Variants in UNC13C observed in about 807,000 individuals in gnomAD.
The protein encoded by UNC13C is unc-13 homolog C, also known as protein unc-13 homolog C.
UNC13C carries 174 observed loss-of-function variants against 245.4 expected under a neutral mutation model. That is an observed-to-expected ratio of 0.71 (90% CI 0.63 to 0.80). The LOEUF (loss-of-function observed/expected upper bound fraction) is 0.80, where lower values mean the gene tolerates loss of function less well. UNC13C is among the 30% of genes least tolerant of loss of function. The pLI is 0.00. For synonymous variants in UNC13C, 992 were observed against 895.1 expected (o/e 1.11, Z -1.93); for missense variants, 2,829 against 2,602.9 (o/e 1.09, Z -1.89).
chr15:54,235,165 A>G (rs892071516), intron 5 of UNC13C, 57 bp downstream of exon 5: 6 of 1,461,654 alleles, frequency 4.1e-6, no homozygotes, highest in Non-Finnish European at 5.7e-6. Context: ...TTCCTTACTA[A>G]AATGTAATGT....
At chr15:54,517,553 C>T (rs1895033780) in intron 24 of UNC13C, among the ~76,000 whole-genome samples, 1 of 152,096 alleles carries the variant, frequency 6.6e-6, no homozygotes, top group South Asian at 2.1e-4. Flanking sequence ...AGCTGTTCCA[C>T]GTCTTTCTCC....
rs370848365 is a variant in UNC13C, at chr15:54,298,079, A to G, written c.4104+153A>G. Among the ~76,000 whole-genome samples the G allele has an allele frequency of 3.9e-5, 6 of 152,298 alleles. No individual in the cohort carries two copies. The East Asian group carries it at 5.8e-4, about 15-fold the overall frequency. On this transcript the variant is annotated intron_variant, in intron 12 of 32. Coordinates refer to ENST00000260323, the MANE Select transcript of UNC13C (RefSeq NM_001080534.3). ...ACAGCAGGTGATATACTAAGATATC[A>G]TAAATTCTATGTGTTGTATTACCCC...
At chr15:54,596,408 G>A (rs867478512) in intron 30 of UNC13C, among the ~76,000 whole-genome samples, 1 of 152,242 alleles carries the variant, frequency 6.6e-6, no homozygotes, top group Middle Eastern at 3.4e-3. Flanking sequence ...CTAGGAATTG[G>A]AATATAAAGA....
chr15:54,295,649 TAAA>T (rs11434084), intron 11 of UNC13C, among the ~76,000 whole-genome samples: 3 of 141,338 alleles, frequency 2.1e-5, no homozygotes, highest in Non-Finnish European at 4.6e-5. Flanking sequence ...TGAGACCTTG[TAAA>T]AAAAAAATAA....
intron 19 of UNC13C, among the ~76,000 whole-genome samples, chr15:54,462,949 C>T (rs536455500): frequency 6.6e-6 from 1 of 152,114 alleles, no homozygotes; most frequent in South Asian, 2.1e-4. Context: ...ACTTTCGTGT[C>T]TAGCTAGAGA....
intron 2 of UNC13C, among the ~76,000 whole-genome samples, chr15:54,027,841 C>A (rs1272130958): frequency 6.7e-6 from 1 of 149,218 alleles, no homozygotes; most frequent in African/African-American, 2.5e-5. Context: ...ATTGGTGTCT[C>A]CTTACTAGTA....
chr15:53,842,900 T>A, the UNC13C span, among the ~76,000 whole-genome samples: 48 of 145,940 alleles, frequency 3.3e-4, no homozygotes, highest in African/African-American at 7.7e-4. Context: ...ATTTTAAGTT[T>A]TATATATATA....
rs777755193 is a variant in UNC13C, at chr15:54,014,913, A to G, written c.2010A>G (p.Ser670=). The change falls in exon 2 of 33, where the codon TCA becomes TCG. Residue 670 remains serine (S), a synonymous_variant. Transcript: ENST00000260323. ...WNQGADLGLD[S]STQEGFDYET... is the part of the protein sequence containing the mutation. ...AAGGAGCTGATTTAGGCTTGGATTC[A>G]TCCACCCAGGAAGGTTTTGATTATG... 46 of 1,613,798 alleles carry G rather than the reference A, an allele frequency of 2.9e-5. No homozygotes were observed. The highest frequency in any genetic ancestry group is 3.6e-5 in the Non-Finnish European group (43 of 1,179,852).
At chr15:54,549,613 C>G in intron 27 of UNC13C, 22 bp from the exon 28 acceptor site, 2 of 1,579,452 alleles carry the variant, frequency 1.3e-6, no homozygotes, top group Non-Finnish European at 1.7e-6. Flanking sequence ...TGAGTCTTCT[C>G]TCACTTTTTC....
intron 2 of UNC13C, among the ~76,000 whole-genome samples, chr15:54,035,619 C>A (rs1013090885): frequency 6.6e-6 from 1 of 152,148 alleles, no homozygotes; most frequent in Non-Finnish European, 1.5e-5. Flanking sequence ...GTGGAGGTGA[C>A]TGGATTTCTG....
intron 30 of UNC13C, among the ~76,000 whole-genome samples, chr15:54,603,281 A>G (rs1899547042): frequency 6.6e-6 from 1 of 152,138 alleles, no homozygotes; most frequent in Admixed American, 6.5e-5. Flanking sequence ...GTGAAGTATG[A>G]CTCTCTTTTA....
chr15:54,218,169 G>T (rs1596024512), intron 4 of UNC13C, among the ~76,000 whole-genome samples: 1 of 151,928 alleles, frequency 6.6e-6, no homozygotes, highest in East Asian at 1.9e-4. Context: ...TTCTGCTCCA[G>T]TTCAACCAAA....
chr15:54,276,523 A>C (rs1454812507), intron 10 of UNC13C, among the ~76,000 whole-genome samples: 1 of 152,122 alleles, frequency 6.6e-6, no homozygotes, highest in African/African-American at 2.4e-5. Context: ...CAACACATCT[A>C]AAATCTAAAA....
chr15:53,862,489 T>C, the UNC13C span, among the ~76,000 whole-genome samples: 1 of 152,138 alleles, frequency 6.6e-6, no homozygotes, highest in South Asian at 2.1e-4. Flanking sequence ...AAGTGTGTTC[T>C]GGTACAAAGT....
chr15:54,532,222 G>T (rs911720730), intron 25 of UNC13C, among the ~76,000 whole-genome samples: 1 of 151,916 alleles, frequency 6.6e-6, no homozygotes, highest in African/African-American at 2.4e-5. Context: ...TCCCCTCCAC[G>T]TGTCCATGCG....
chr15:53,925,822 G>T, the UNC13C span, among the ~76,000 whole-genome samples: 47,644 of 152,058 alleles, frequency 0.31, 7,606 homozygotes, highest in Non-Finnish European at 0.33. Context: ...TTCCTTGTTC[G>T]GATCTTGTGA....
chr15:54,126,140 T>C (rs2031023927), intron 2 of UNC13C, among the ~76,000 whole-genome samples: 1 of 152,160 alleles, frequency 6.6e-6, no homozygotes, highest in South Asian at 2.1e-4. Flanking sequence ...AACATATCAA[T>C]AATTACATTA....
At chr15:54,607,950 T>A (rs1399039361) in intron 30 of UNC13C, among the ~76,000 whole-genome samples, 2 of 152,226 alleles carry the variant, frequency 1.3e-5, no homozygotes. Context: ...CAGTAGTTTT[T>A]ATTTTTGTGT....
intron 4 of UNC13C, among the ~76,000 whole-genome samples, chr15:54,199,817 G>A (rs2034465732): frequency 6.6e-6 from 1 of 152,054 alleles, no homozygotes; most frequent in Non-Finnish European, 1.5e-5. Flanking sequence ...CAAATACTAT[G>A]ATGAATAGAA....
Sources: allele counts gnomAD v4.1 joint callset (sites outside exome capture counted in the v4.1 genomes callset), GRCh38; gene constraint gnomAD v4.1.1; transcripts MANE v1.5; gene names NCBI Gene and HGNC (gene_info 2026-07-23, HGNC 2026-07-21).